Variants in RBMS2 observed in about 807,000 individuals in gnomAD.
RBMS2 encodes the protein RNA-binding motif, single-stranded-interacting protein 2.
Under a neutral mutation model 58.4 loss-of-function variants are expected in RBMS2, and 38 were observed. The ratio of observed to expected loss-of-function variants is 0.65; its 90% CI spans 0.50 to 0.85. The LOEUF (loss-of-function observed/expected upper bound fraction) is 0.85. Among genes scored for constraint, RBMS2 ranks in the 40% least tolerant of loss-of-function variants. The probability of loss-of-function intolerance (pLI) is 0.00; values close to 1 mark genes in which losing one functional copy is unlikely to be tolerated. For synonymous variants in RBMS2, 151 were observed against 180.7 expected (o/e 0.84, Z 1.32); for missense variants, 367 against 503.7 (o/e 0.73, Z 2.60).
At chr12:56,544,786 A>G (rs1387893897) in intron 1 of RBMS2, among the ~76,000 whole-genome samples, 35 of 90,002 alleles carry the variant, frequency 3.9e-4, no homozygotes, top group Admixed American at 5.4e-4. Context: ...TAGAGCTGGG[A>G]CTTTGCCGTG....
intron 1 of RBMS2, among the ~76,000 whole-genome samples, chr12:56,551,045 G>C (rs1161656199): frequency 6.8e-6 from 1 of 148,126 alleles, no homozygotes; most frequent in African/African-American, 2.5e-5. Flanking sequence ...TTGAGCCCAG[G>C]AGTTTGAGGC....
At chr12:56,573,346 G>T (rs2136491340) in intron 5 of RBMS2, among the ~76,000 whole-genome samples, 1 of 151,472 alleles carries the variant, frequency 6.6e-6, no homozygotes, top group East Asian at 1.9e-4. Flanking sequence ...GTATGGTGGC[G>T]GGCTCCTGTA....
intron 1 of RBMS2, among the ~76,000 whole-genome samples, chr12:56,538,673 G>T (rs1027295739): frequency 6.6e-6 from 1 of 151,494 alleles, no homozygotes; most frequent in Non-Finnish European, 1.5e-5. Flanking sequence ...GTAGAGATAC[G>T]GTTTCACCAT....
chr12:56,585,081 C>G (rs1389654448), intron 9 of RBMS2, among the ~76,000 whole-genome samples: 1 of 152,114 alleles, frequency 6.6e-6, no homozygotes, highest in East Asian at 1.9e-4. Flanking sequence ...CCTCGGCCTC[C>G]CAAAGTGTTG....
At chr12:56,566,020 T>C (rs1049803542) in intron 2 of RBMS2, among the ~76,000 whole-genome samples, 2 of 152,148 alleles carry the variant, frequency 1.3e-5, no homozygotes, top group African/African-American at 4.8e-5. Flanking sequence ...GTCAGACTTC[T>C]CATGAGTCCC....
At chr12:56,545,414 A>G (rs901167263) in intron 1 of RBMS2, among the ~76,000 whole-genome samples, 9 of 152,202 alleles carry the variant, frequency 5.9e-5, no homozygotes, top group African/African-American at 1.9e-4. Context: ...ATTGAGATAT[A>G]ATTCACACAT....
intron 3 of RBMS2, among the ~76,000 whole-genome samples, chr12:56,569,260 TG>T (rs1881891549): frequency 1.3e-5 from 2 of 152,264 alleles, no homozygotes; most frequent in Admixed American, 1.3e-4. Flanking sequence ...AAAACACCTT[TG>T]AGTCTACTGA....
chr12:56,530,081 T>TG (rs1313178408), intron 1 of RBMS2, among the ~76,000 whole-genome samples: 4 of 151,954 alleles, frequency 2.6e-5, no homozygotes, highest in African/African-American at 9.7e-5. Context: ...TTAAAAAAAA[T>TG]TTTTTTTATA....
chr12:56,543,416 CAG>C (rs141987567), intron 1 of RBMS2, among the ~76,000 whole-genome samples: 50,198 of 150,598 alleles, frequency 0.33, 8,494 homozygotes, highest in South Asian at 0.52. Flanking sequence ...ATCCAGGAGG[CAG>C]AGATTGCTGT....
chr12:56,546,816 A>G (rs1471751287), intron 1 of RBMS2, among the ~76,000 whole-genome samples: 1 of 152,088 alleles, frequency 6.6e-6, no homozygotes, highest in Non-Finnish European at 1.5e-5. Flanking sequence ...CTAGCAGTGG[A>G]GTTGCTAGGT....
chr12:56,566,366 G>A (rs1881343965), intron 2 of RBMS2, among the ~76,000 whole-genome samples: 1 of 152,108 alleles, frequency 6.6e-6, no homozygotes, highest in East Asian at 1.9e-4. Flanking sequence ...TTTCTGTTCT[G>A]TCTCTTTAAT....
At chr12:56,546,892 C>T (rs986196858) in intron 1 of RBMS2, among the ~76,000 whole-genome samples, 3 of 152,156 alleles carry the variant, frequency 2.0e-5, no homozygotes, top group African/African-American at 7.2e-5. Context: ...GCAGCTGCAT[C>T]GTTTTGCAAT....
At chr12:56,544,599 T>C (rs2657888) in intron 1 of RBMS2, among the ~76,000 whole-genome samples, 1 of 151,736 alleles carries the variant, frequency 6.6e-6, no homozygotes, top group South Asian at 2.1e-4. Context: ...CATCACATTT[T>C]GTTGTTGTTG....
chr12:56,575,132 T>C (rs1246896162), intron 5 of RBMS2, among the ~76,000 whole-genome samples: 1 of 149,328 alleles, frequency 6.7e-6, no homozygotes, highest in Non-Finnish European at 1.5e-5. Context: ...CTGGGCGACA[T>C]GCACTTCAGC....
intron 1 of RBMS2, among the ~76,000 whole-genome samples, chr12:56,544,658 G>T (rs1876803143): frequency 6.6e-6 from 1 of 152,004 alleles, no homozygotes; most frequent in South Asian, 2.1e-4. Context: ...TGCAATAATG[G>T]CTCAATGCAT....
At chr12:56,532,585 T>G (rs910787662) in intron 1 of RBMS2, among the ~76,000 whole-genome samples, 1 of 152,008 alleles carries the variant, frequency 6.6e-6, no homozygotes, top group Admixed American at 6.6e-5. Flanking sequence ...AAACTTTTTC[T>G]TCTTCTTCTA....
chr12:56,545,561 C>T (rs1877008288), intron 1 of RBMS2, among the ~76,000 whole-genome samples: 1 of 152,164 alleles, frequency 6.6e-6, no homozygotes, highest in Non-Finnish European at 1.5e-5. Context: ...TACCCACTTA[C>T]CTATCACCAC....
chr12:56,540,322 CATGT>C (rs1163142538), intron 1 of RBMS2, among the ~76,000 whole-genome samples: 1 of 152,140 alleles, frequency 6.6e-6, no homozygotes, highest in Admixed American at 6.6e-5. Flanking sequence ...AAGAGTTTTA[CATGT>C]ATGTATGTAT....
At chr12:56,539,683 G>T in intron 1 of RBMS2, 1 of 449,126 alleles carries the variant, frequency 2.2e-6, no homozygotes, top group South Asian at 1.6e-5. Flanking sequence ...TATTTTTTTT[G>T]AGATGGAGTT....
Sources: gnomAD v4.1 joint callset for allele counts (sites outside exome capture counted in the v4.1 genomes callset) on GRCh38, gnomAD v4.1.1 for gene constraint, MANE v1.5 for transcripts, NCBI Gene and HGNC (gene_info 2026-07-23, HGNC 2026-07-21) for gene names.